Variants in PATJ observed in about 807,000 individuals in gnomAD.
The protein encoded by PATJ is PATJ crumbs cell polarity complex component, also known as inaD-like protein.
A neutral mutation model predicts 224.9 loss-of-function variants in PATJ; 190 were observed. The ratio of observed to expected loss-of-function variants is 0.84; its 90% confidence interval spans 0.75 to 0.95. The LOEUF (loss-of-function observed/expected upper bound fraction) is 0.95. PATJ is among the 40% of genes least tolerant of loss of function. The pLI, the probability that PATJ is intolerant of heterozygous loss-of-function variation, is 0.00. For missense variants in PATJ, 2,121 were observed against 2,270.3 expected (o/e 0.93, Z 1.34); for synonymous variants, 769 against 820.3 (o/e 0.94, Z 1.07).
At chr1:61,904,636 A>G (rs115142443) in intron 24 of PATJ, among the ~76,000 whole-genome samples, 2 of 152,334 alleles carry the variant, frequency 1.3e-5, no homozygotes, top group African/African-American at 4.8e-5. Context: ...TGTATAATTT[A>G]TAAAACAAAG....
chr1:62,032,424 T>C (rs1023896008), intron 29 of PATJ, among the ~76,000 whole-genome samples: 1 of 152,218 alleles, frequency 6.6e-6, no homozygotes, highest in African/African-American at 2.4e-5. Context: ...TTGAAGGGCT[T>C]GTATGATTAG....
chr1:61,989,728 A>G (rs1320650732), intron 27 of PATJ, among the ~76,000 whole-genome samples: 3 of 152,214 alleles, frequency 2.0e-5, no homozygotes, highest in Middle Eastern at 3.2e-3. Context: ...AGGTAAGAAA[A>G]GAGTCCACAG....
intron 22 of PATJ, among the ~76,000 whole-genome samples, chr1:61,889,193 G>T (rs532048484): frequency 1.9e-4 from 29 of 152,250 alleles, no homozygotes; most frequent in African/African-American, 7.0e-4. Flanking sequence ...TTTTGTGTAC[G>T]ACCCAGCAGA....
At chr1:62,148,262 C>CT in intron 41 of PATJ, 22 bp from the exon 42 acceptor site, 6 of 1,550,414 alleles carry the variant, frequency 3.9e-6, no homozygotes, top group Non-Finnish European at 5.3e-6. Context: ...AATGAAATAC[C>CT]TTTTTTTCAC....
At chr1:61,855,723 T>G (rs1314963462) in intron 17 of PATJ, among the ~76,000 whole-genome samples, 1 of 152,148 alleles carries the variant, frequency 6.6e-6, no homozygotes, top group Non-Finnish European at 1.5e-5. Flanking sequence ...CTTTTAATTT[T>G]TTTAATTACA....
intron 31 of PATJ, among the ~76,000 whole-genome samples, chr1:62,061,051 G>C (rs142401997): frequency 9.1e-4 from 139 of 152,016 alleles, no homozygotes; most frequent in African/African-American, 3.3e-3. Context: ...AGGGCATATT[G>C]TGTGATGCTG....
At chr1:61,831,149 C>G (rs866628100) in intron 16 of PATJ, among the ~76,000 whole-genome samples, 1 of 146,738 alleles carries the variant, frequency 6.8e-6, no homozygotes, top group South Asian at 2.2e-4. Flanking sequence ...GATGGCGCCA[C>G]TGCACTCCAG....
intron 33 of PATJ, among the ~76,000 whole-genome samples, chr1:62,099,540 A>G (rs909376171): frequency 6.6e-6 from 1 of 151,570 alleles, no homozygotes; most frequent in Non-Finnish European, 1.5e-5. Flanking sequence ...TTTTTTTTGT[A>G]TGTGTAGGGA....
chr1:61,904,608 T>A (rs1422529619), intron 24 of PATJ, among the ~76,000 whole-genome samples: 4 of 152,252 alleles, frequency 2.6e-5, no homozygotes. Context: ...TCAACTGCTA[T>A]GAAGAAATAC....
intron 31 of PATJ, among the ~76,000 whole-genome samples, chr1:62,055,885 A>T (rs1201878030): frequency 6.6e-6 from 1 of 152,152 alleles, no homozygotes; most frequent in Non-Finnish European, 1.5e-5. Flanking sequence ...AAACTGGAGA[A>T]CCAGGGGAGC....
intron 33 of PATJ, among the ~76,000 whole-genome samples, chr1:62,097,278 A>G (rs1179872512): frequency 1.3e-5 from 2 of 152,168 alleles, no homozygotes; most frequent in African/African-American, 4.8e-5. Context: ...AATCTGTGGT[A>G]CATTGAAACT....
intron 26 of PATJ, among the ~76,000 whole-genome samples, chr1:61,924,732 A>G (rs1274244804): frequency 6.6e-6 from 1 of 152,212 alleles, no homozygotes; most frequent in Middle Eastern, 3.2e-3. Context: ...AAGGTAGGAA[A>G]ATATTTCACA....
chr1:61,901,350 A>G lies in PATJ; in HGVS notation c.3272A>G (p.Lys1091Arg). 1 of 1,586,064 alleles carries G rather than the reference A, an allele frequency of 6.3e-7. No individual in the cohort carries two copies. Among genetic ancestry groups the G allele is most frequent in the Non-Finnish European group, 8.5e-7 (1 of 1,170,694 alleles). ...ISIVGGQTVI[K>R]RLKNGEELKG... ...ATTGTTGGTGGACAAACTGTTATAA[A>G]ACGTCTAAAGAATGGAGAGGAGCTT... Residue 1091 changes from lysine (K) to arginine (R), a missense_variant, in exon 24 of 44, where the codon AAA becomes AGA. Physicochemically the swap from Lys to Arg is conservative, Grantham distance 26 (BLOSUM62 2). Coordinates refer to ENST00000642238, the MANE Select transcript of PATJ (RefSeq NM_001350145.3).
intron 39 of PATJ, among the ~76,000 whole-genome samples, chr1:62,125,767 ATTTC>A (rs1413730802): frequency 2.0e-5 from 3 of 151,598 alleles, no homozygotes; most frequent in Non-Finnish European, 4.4e-5. Context: ...CCAAGCATAA[ATTTC>A]TTTCTTTTTT....
chr1:61,908,317 C>A, intron 24 of PATJ, 55 bp from the exon 25 acceptor site: 1 of 1,157,932 alleles, frequency 8.6e-7, no homozygotes, highest in Non-Finnish European at 1.3e-6. Context: ...TTGAATTAAC[C>A]TGTCCACAAT....
intron 4 of PATJ, among the ~76,000 whole-genome samples, chr1:61,768,662 G>C (rs1646431135): frequency 6.6e-6 from 1 of 151,910 alleles, no homozygotes; most frequent in Non-Finnish European, 1.5e-5. Flanking sequence ...CAATTTGGGA[G>C]GCTGAGGCGG....
chr1:61,848,168 T>C (rs1350816678), intron 17 of PATJ, among the ~76,000 whole-genome samples: 1 of 152,148 alleles, frequency 6.6e-6, no homozygotes, highest in Non-Finnish European at 1.5e-5. Context: ...TATCCAACTT[T>C]TTCATTTTAT....
chr1:61,762,161 T>A (rs921360767), intron 1 of PATJ, among the ~76,000 whole-genome samples: 3 of 152,200 alleles, frequency 2.0e-5, no homozygotes, highest in African/African-American at 7.2e-5. Context: ...GGGAGTAGCA[T>A]GTTCTGAAGC....
intron 31 of PATJ, among the ~76,000 whole-genome samples, chr1:62,061,620 A>T (rs1360407168): frequency 3.3e-5 from 5 of 151,856 alleles, no homozygotes; most frequent in Non-Finnish European, 7.4e-5. Flanking sequence ...GATTTCGTTG[A>T]GTGTTTTTTA....
Sources: gnomAD v4.1 joint callset for allele counts (sites outside exome capture counted in the v4.1 genomes callset) on GRCh38, gnomAD v4.1.1 for gene constraint, MANE v1.5 for transcripts, NCBI Gene and HGNC (gene_info 2026-07-23, HGNC 2026-07-21) for gene names.